Variants in TNKS observed in about 807,000 individuals in gnomAD.
TNKS encodes the protein poly [ADP-ribose] polymerase tankyrase-1.
TNKS carries 72 observed loss-of-function variants against 135.8 expected under a neutral mutation model. That is an observed-to-expected ratio of 0.53 (90% CI 0.44 to 0.64). The LOEUF is 0.64. Ranked by LOEUF, TNKS falls within the 30% of genes least tolerant of loss-of-function variation. TNKS has a pLI of 0.00. For synonymous variants in TNKS, 849 were observed against 649.3 expected, an observed-to-expected ratio of 1.31 and a Z score of -4.68; for missense variants, 1,769 against 1,674.0, an observed-to-expected ratio of 1.06 and a Z score of -0.99.
At chr8:9,593,692 C>A (rs1363701477) in intron 2 of TNKS, among the ~76,000 whole-genome samples, 35 of 152,146 alleles carry the variant, frequency 2.3e-4, no homozygotes. Context: ...AGATATGTTT[C>A]ATTTCCTTTT....
intron 11 of TNKS, among the ~76,000 whole-genome samples, chr8:9,712,883 C>T (rs1804409931): frequency 6.6e-6 from 1 of 152,188 alleles, no homozygotes; most frequent in South Asian, 2.1e-4. Flanking sequence ...GAGCAGTACT[C>T]TATCTCAGAA....
intron 20 of TNKS, among the ~76,000 whole-genome samples, chr8:9,753,474 C>G (rs1219337410): frequency 2.0e-5 from 3 of 152,188 alleles, no homozygotes; most frequent in African/African-American, 7.2e-5. Context: ...CTGTGAAGGT[C>G]TAAGGATGGA....
Position 9,708,510 on chromosome 8 carries a change from A to T in TNKS, c.1578+18A>T. The T allele has an allele frequency of 6.4e-7, 1 of 1,571,586 alleles. No individual in the cohort carries two copies. Among genetic ancestry groups the T allele is most frequent in the Non-Finnish European group, 8.6e-7 (1 of 1,159,816 alleles). ...CAGCACTGGTAAGATTTTATTGTTA[A>T]TCTATTCCCTGTGTCTATAATAATA... is the stretch of plus-strand genomic sequence containing the variant. On this transcript the variant is annotated intron_variant, in intron 9 of 26. Transcript: ENST00000310430.
chr8:9,778,896 A>C lies in TNKS; in HGVS notation c.*2160A>C, dbSNP rs538995619. ...CATTAAAAAGATAAACCACTACCTA[A>C]CTGTGGTTGTATGTTGTTTCCATCA... On this transcript the variant is annotated 3_prime_UTR_variant, in exon 27 of 27. Coordinates refer to ENST00000310430, the MANE Select transcript of TNKS (RefSeq NM_003747.3). The C allele has an allele frequency of 6.4e-4, 97 of 152,254 alleles. 1 individual carries two copies. Among genetic ancestry groups the C allele is most frequent in the African/African-American group, 2.1e-3 (86 of 41,548 alleles). The allele number at this position is 152,254 out of a possible 1,614,324, so 9.4% of individuals were successfully genotyped here.
At chr8:9,697,677 T>A (rs961717581) in intron 5 of TNKS, among the ~76,000 whole-genome samples, 1 of 151,970 alleles carries the variant, frequency 6.6e-6, no homozygotes, top group Non-Finnish European at 1.5e-5. Flanking sequence ...CCAACAAACA[T>A]GAAAAAATGC....
chr8:9,680,634 C>G (rs1802743228), intron 4 of TNKS, 91 bp from the exon 5 acceptor site: 3 of 807,048 alleles, frequency 3.7e-6, no homozygotes, highest in Non-Finnish European at 6.3e-6. Flanking sequence ...CAAAGCAAAC[C>G]CATATTTTAC....
At chr8:9,709,637 G>A (rs1488746499) in intron 9 of TNKS, among the ~76,000 whole-genome samples, 2 of 152,126 alleles carry the variant, frequency 1.3e-5, no homozygotes, top group Non-Finnish European at 2.9e-5. Flanking sequence ...ATAGATTTCT[G>A]TAGCGTTGCA....
chr8:9,602,084 G>A (rs1242304187), intron 2 of TNKS, among the ~76,000 whole-genome samples: 1 of 152,018 alleles, frequency 6.6e-6, no homozygotes, highest in Non-Finnish European at 1.5e-5. Context: ...GTTGGGGAGT[G>A]TTAATGGCAT....
chr8:9,578,711 A>T (rs1251198986), intron 1 of TNKS, among the ~76,000 whole-genome samples: 1 of 151,956 alleles, frequency 6.6e-6, no homozygotes, highest in Non-Finnish European at 1.5e-5. Flanking sequence ...GGAAGATGTG[A>T]CTCTTTTACT....
chr8:9,725,215 C>T (rs1219362013), intron 12 of TNKS, among the ~76,000 whole-genome samples: 1 of 152,102 alleles, frequency 6.6e-6, no homozygotes, highest in Non-Finnish European at 1.5e-5. Context: ...GACTCATTGA[C>T]CCCAATACAT....
intron 3 of TNKS, among the ~76,000 whole-genome samples, chr8:9,636,038 G>A (rs1800497056): frequency 6.6e-6 from 1 of 152,152 alleles, no homozygotes; most frequent in African/African-American, 2.4e-5. Flanking sequence ...CATGAAAAAA[G>A]TATTGTTTTT....
At chr8:9,597,170 T>G (rs1342010855) in intron 2 of TNKS, among the ~76,000 whole-genome samples, 1 of 152,232 alleles carries the variant, frequency 6.6e-6, no homozygotes. Flanking sequence ...ATTTTACACA[T>G]TTGCTTTGAG....
At chr8:9,703,063 G>A (rs1803886461) in intron 5 of TNKS, among the ~76,000 whole-genome samples, 1 of 152,112 alleles carries the variant, frequency 6.6e-6, no homozygotes, top group African/African-American at 2.4e-5. Flanking sequence ...CTGTATGGGT[G>A]AAAACTTTAC....
Position 9,769,630 on chromosome 8 carries a change from T to TG in TNKS, c.3741-476_3741-475insG, listed in dbSNP as rs1165757875. Among the ~76,000 whole-genome samples the TG allele has an allele frequency of 5.3e-3, 743 of 140,894 alleles. 3 individuals are homozygous for TG. Among genetic ancestry groups the TG allele is most frequent in the African/African-American group, 0.019 (694 of 36,980 alleles). The allele number at this position is 140,894 out of a possible 152,430, so 92.4% of individuals were successfully genotyped here. On this transcript the variant is annotated intron_variant, in intron 25 of 26. Coordinates refer to ENST00000310430, the MANE Select transcript of TNKS (RefSeq NM_003747.3). ...GCATTTTCTTTTTTTTTTTTTTTTT[T>TG]TTTTTTTGAGACGGAGTCTCGCTCT...
chr8:9,724,595 C>G (rs1188605707), intron 12 of TNKS, among the ~76,000 whole-genome samples: 1 of 151,996 alleles, frequency 6.6e-6, no homozygotes, highest in Non-Finnish European at 1.5e-5. Flanking sequence ...TACAAAGTTC[C>G]TGGGCTGTAT....
intron 25 of TNKS, 152 bp downstream of exon 25, chr8:9,766,577 C>CT (rs1807462153): frequency 1.6e-6 from 1 of 626,638 alleles, no homozygotes; most frequent in Non-Finnish European, 2.4e-6. Context: ...CCTCCACCTC[C>CT]TGGGTTCAAG....
intron 23 of TNKS, among the ~76,000 whole-genome samples, 161 bp downstream of exon 23, chr8:9,764,951 T>C (rs1212145296): frequency 6.6e-6 from 1 of 152,204 alleles, no homozygotes; most frequent in African/African-American, 2.4e-5. Context: ...ACAATATCTC[T>C]AACTCCCCAA....
chr8:9,771,564 C>CGA (rs139793378), intron 26 of TNKS, among the ~76,000 whole-genome samples: 1,923 of 93,288 alleles, frequency 0.021, 61 homozygotes, highest in African/African-American at 0.078. Context: ...AGGGAGAAAG[C>CGA]GAGAGAGGAA....
chr8:9,755,451 T>C (rs1806787447), intron 20 of TNKS, among the ~76,000 whole-genome samples: 2 of 152,238 alleles, frequency 1.3e-5, no homozygotes, highest in African/African-American at 4.8e-5. Flanking sequence ...TCCAGACAGG[T>C]GATACTACCT....
Sources: gnomAD v4.1 joint callset for allele counts (sites outside exome capture counted in the v4.1 genomes callset) on GRCh38, gnomAD v4.1.1 for gene constraint, MANE v1.5 for transcripts, NCBI Gene and HGNC (gene_info 2026-07-23, HGNC 2026-07-21) for gene names.